TMEM62: variants seen among roughly 807,000 people sequenced by gnomAD.
TMEM62 encodes the protein transmembrane protein 62.
TMEM62 carries 41 observed loss-of-function variants against 70.4 expected under a neutral mutation model. The ratio of observed to expected loss-of-function variants is 0.58; its 90% CI spans 0.45 to 0.76. The LOEUF is 0.76. Among genes scored for constraint, TMEM62 ranks in the 30% least tolerant of loss-of-function variants. TMEM62 has a pLI of 0.00. For missense variants in TMEM62, 688 were observed against 788.5 expected, an observed-to-expected ratio of 0.87 and a Z score of 1.53; for synonymous variants, 268 against 291.0, an observed-to-expected ratio of 0.92 and a Z score of 0.80.
chr15:43,140,447 G>A (rs530998692), intron 4 of TMEM62, among the ~76,000 whole-genome samples: 8 of 152,138 alleles, frequency 5.3e-5, no homozygotes, highest in East Asian at 1.9e-4. Context: ...CAACTTTGGC[G>A]GTCACATTGG....
intron 3 of TMEM62, 113 bp from the exon 4 acceptor site, chr15:43,138,457 GGTGT>G: frequency 1.3e-6 from 1 of 794,442 alleles, no homozygotes. Context: ...CTACCCTGGG[GGTGT>G]GTGTGGAAGA....
chr15:43,158,984 T>TTAG (rs1254714623), intron 9 of TMEM62, among the ~76,000 whole-genome samples: 1 of 152,238 alleles, frequency 6.6e-6, no homozygotes, highest in Non-Finnish European at 1.5e-5. Context: ...TCATGTTGAC[T>TTAG]ACTAAGCCCT....
intron 4 of TMEM62, among the ~76,000 whole-genome samples, chr15:43,145,135 C>A (rs542511314): frequency 7.0e-6 from 1 of 142,080 alleles, no homozygotes. Flanking sequence ...TGAGGAATAA[C>A]TGAACATAAA....
In TMEM62 at chr15:43,160,792, A is replaced by C; in HGVS notation, c.1294A>C (p.Met432Leu). ...TATTCTCCGTACTGATCACTACATCATGGTAAGTGAATTCAATTAAATATT... is the reference window on the plus strand; with the variant it reads ...TATTCTCCGTACTGATCACTACATCCTGGTAAGTGAATTCAATTAAATATT... ...SFILRTDHYIMARVLFVLIVL... is the reference protein window; with the variant it reads ...SFILRTDHYILARVLFVLIVL... Residue 432 changes from methionine (M) to leucine (L), a missense_variant and splice_region_variant, in exon 10 of 14, where the codon ATG (methionine) becomes CTG (leucine). By Grantham distance (15) the Met-to-Leu change is conservative. Coordinates refer to ENST00000260403, the MANE Select transcript of TMEM62 (RefSeq NM_024956.4). 6.5e-7 allele frequency: 1 copy of C among 1,544,566 alleles called. No individual in the cohort carries two copies. Among genetic ancestry groups the C allele is most frequent in the Non-Finnish European group, 8.9e-7 (1 of 1,124,584 alleles).
chr15:43,175,704 C>T (rs1239731575), intron 11 of TMEM62, among the ~76,000 whole-genome samples: 1 of 152,144 alleles, frequency 6.6e-6, no homozygotes. Context: ...CGCTGGCAGC[C>T]AAGATGGCCG....
chr15:43,143,361 C>T (rs867415762), intron 4 of TMEM62, among the ~76,000 whole-genome samples: 1 of 152,194 alleles, frequency 6.6e-6, no homozygotes, highest in Non-Finnish European at 1.5e-5. Flanking sequence ...TACGCCCAGC[C>T]GTAAACATAA....
At chr15:43,155,260 G>A (rs1171737950) in intron 9 of TMEM62, among the ~76,000 whole-genome samples, 1 of 151,906 alleles carries the variant, frequency 6.6e-6, no homozygotes, top group African/African-American at 2.4e-5. Context: ...AAAAATTGGG[G>A]CTGAGGCTGG....
In TMEM62 at chr15:43,181,185, A is replaced by G. The variant is rs559262744; in HGVS notation, c.1491A>G (p.Pro497=). The G allele has an allele frequency of 3.1e-6, 5 of 1,610,904 alleles. No individual in the cohort carries two copies. In the East Asian group the frequency reaches 6.7e-5, roughly 22 times the overall value. ...LLLTLYTVLG[P]WFFGEIIDGK... is the part of the protein sequence containing the mutation. Reference sequence around the variant, plus strand: ...TTTGTCCATTGCCTCTTTTAGGTCCATGGTTTTTTGGTGAAATCATTGATG... The same window carrying G: ...TTTGTCCATTGCCTCTTTTAGGTCCGTGGTTTTTTGGTGAAATCATTGATG... The change falls in exon 13 of 14, where the codon CCA becomes CCG. Residue 497 remains proline (P), a synonymous_variant. Coordinates refer to ENST00000260403, the MANE Select transcript of TMEM62 (RefSeq NM_024956.4).
At chr15:43,179,195 C>G (rs2041099441) in intron 12 of TMEM62, among the ~76,000 whole-genome samples, 1 of 151,936 alleles carries the variant, frequency 6.6e-6, no homozygotes, top group Admixed American at 6.6e-5. Flanking sequence ...TCCAGGAGGT[C>G]AAATCCAGCC....
At chr15:43,149,473 T>C (rs1219529704) in intron 7 of TMEM62, among the ~76,000 whole-genome samples, 2 of 151,870 alleles carry the variant, frequency 1.3e-5, no homozygotes, top group African/African-American at 4.8e-5. Context: ...AGATTTTGAT[T>C]GTGTTGGTCT....
At chr15:43,137,425 C>T (rs532342594) in intron 3 of TMEM62, among the ~76,000 whole-genome samples, 4 of 152,218 alleles carry the variant, frequency 2.6e-5, no homozygotes, top group African/African-American at 9.6e-5. Flanking sequence ...TCTAGATAAT[C>T]TGAATTTTGT....
At chr15:43,162,361 A>T (rs1436199952) in intron 10 of TMEM62, among the ~76,000 whole-genome samples, 2 of 147,428 alleles carry the variant, frequency 1.4e-5, no homozygotes, top group Non-Finnish European at 3.0e-5. Flanking sequence ...CTGGTCTCGA[A>T]CTCCTGACCT....
At chr15:43,154,598 C>T (rs1263545036) in intron 8 of TMEM62, 74 bp from the exon 9 acceptor site, 4 of 1,366,180 alleles carry the variant, frequency 2.9e-6, no homozygotes, top group Non-Finnish European at 4.0e-6. Flanking sequence ...CTGCAAGTTA[C>T]AATAAGGTTA....
chr15:43,167,465 A>C (rs2039631277), intron 10 of TMEM62, among the ~76,000 whole-genome samples: 1 of 143,674 alleles, frequency 7.0e-6, no homozygotes, highest in African/African-American at 2.7e-5. Flanking sequence ...CCCGGCAGAG[A>C]CGCTCCTCAC....
chr15:43,136,010 T>C (rs1397210764), intron 3 of TMEM62, among the ~76,000 whole-genome samples: 1 of 152,182 alleles, frequency 6.6e-6, no homozygotes, highest in Non-Finnish European at 1.5e-5. Flanking sequence ...GTATTTCTCC[T>C]AATGCTATCC....
chr15:43,183,465 A>G (rs752469698), intron 13 of TMEM62, among the ~76,000 whole-genome samples: 1 of 152,102 alleles, frequency 6.6e-6, no homozygotes, highest in Non-Finnish European at 1.5e-5. Flanking sequence ...GCACTTCCTT[A>G]AAGAGGCCAA....
intron 8 of TMEM62, among the ~76,000 whole-genome samples, chr15:43,153,896 TA>T (rs2037722556): frequency 6.6e-6 from 1 of 152,236 alleles, no homozygotes; most frequent in Non-Finnish European, 1.5e-5. Context: ...ATTATCTGTT[TA>T]ATTTTTTAAG....
At position 43,174,122 on chromosome 15, in the gene TMEM62, C is replaced by T. The variant is rs576097390; in HGVS notation, c.1381+4445C>T. Among the ~76,000 whole-genome samples, 131 of 152,190 alleles carry T rather than the reference C, an allele frequency of 8.6e-4. 2 individuals carry two copies. The South Asian group carries it at 0.025, about 30-fold the overall frequency. On this transcript the variant is annotated intron_variant, in intron 11 of 13. Transcript: ENST00000260403. Reference sequence around the variant, plus strand: ...CAGGTGGATCCGCCTACCTCAGACTCGCAAAGTGCTGGGATTACAGGCTTG... The same window carrying T: ...CAGGTGGATCCGCCTACCTCAGACTTGCAAAGTGCTGGGATTACAGGCTTG...
At chr15:43,154,624 A>T in intron 8 of TMEM62, 48 bp from the exon 9 acceptor site, 1 of 1,542,836 alleles carries the variant, frequency 6.5e-7, no homozygotes, top group Non-Finnish European at 8.7e-7. Context: ...CTTTGCAAAA[A>T]CAATGACAAA....
Sources: gnomAD v4.1 joint callset for allele counts (sites outside exome capture counted in the v4.1 genomes callset) on GRCh38, gnomAD v4.1.1 for gene constraint, MANE v1.5 for transcripts, NCBI Gene and HGNC (gene_info 2026-07-23, HGNC 2026-07-21) for gene names.